The following CPA6 variants were observed in gnomAD, a reference collection of about 807,000 sequenced individuals.
CPA6 encodes the protein carboxypeptidase A6, also known as carboxypeptidase B.
A neutral mutation model predicts 63.3 loss-of-function variants in CPA6; 58 were observed. The observed-to-expected ratio is 0.92, with a 90% CI of 0.74 to 1.14. CPA6 has a LOEUF of 1.14. Ranked by LOEUF, CPA6 falls within the 50% of genes most tolerant of loss-of-function variation. The pLI is 0.00. For missense variants in CPA6, 565 were observed against 526.6 expected, an observed-to-expected ratio of 1.07 and a Z score of -0.71; for synonymous variants, 185 against 179.0, an observed-to-expected ratio of 1.03 and a Z score of -0.27.
At chr8:67,570,789 T>C (rs1184117343) in intron 2 of CPA6, among the ~76,000 whole-genome samples, 1 of 151,868 alleles carries the variant, frequency 6.6e-6, no homozygotes, top group Non-Finnish European at 1.5e-5. Context: ...AGAAACAAAG[T>C]ATCTATAAAA....
Position 67,484,681 on chromosome 8 carries a change from T to G in CPA6, c.745A>C (p.Asn249His), listed in dbSNP as rs147282359. Residue 249 changes from asparagine (N) to histidine (H), a missense_variant and splice_region_variant, in exon 7 of 11, where the codon AAT becomes CAT. Transcript: ENST00000297770. Reference protein sequence around the residue: ...NVDGYHFSWTNDRFWRKTRSR... With the variant: ...NVDGYHFSWTHDRFWRKTRSR... ...ACTGGGTAGGCAAAGTGACTTACAT[T>G]GGTCCAACTAAAATGGTATCCATCG... is the stretch of plus-strand genomic sequence containing the variant. 2 of 1,524,448 alleles carry G rather than the reference T, an allele frequency of 1.3e-6. No individual in the cohort carries two copies. The highest frequency in any genetic ancestry group is 1.8e-6 in the Non-Finnish European group (2 of 1,100,340). The allele number at this position is 1,524,448 out of a possible 1,614,324, so 94.4% of individuals were successfully genotyped here. A position where few individuals can be genotyped will look rare whatever the true frequency, so the allele number is the denominator to read the frequency against.
intron 2 of CPA6, among the ~76,000 whole-genome samples, chr8:67,562,407 A>G (rs1455383951): frequency 6.6e-6 from 1 of 152,156 alleles, no homozygotes; most frequent in East Asian, 1.9e-4. Flanking sequence ...GTCTGACACA[A>G]GCACACAGCC....
chr8:67,639,938 G>A (rs1361574151), intron 1 of CPA6, among the ~76,000 whole-genome samples: 1 of 151,414 alleles, frequency 6.6e-6, no homozygotes, highest in Non-Finnish European at 1.5e-5. Context: ...TCTCAGCAGA[G>A]AGGGTAGCTA....
chr8:67,737,166 G>A (rs1817828237), intron 1 of CPA6, among the ~76,000 whole-genome samples: 1 of 152,056 alleles, frequency 6.6e-6, no homozygotes, highest in South Asian at 2.1e-4. Context: ...ATATGTTATG[G>A]GACCTCACCT....
intron 8 of CPA6, among the ~76,000 whole-genome samples, chr8:67,454,959 G>A (rs1198871031): frequency 6.6e-6 from 1 of 152,150 alleles, no homozygotes; most frequent in Non-Finnish European, 1.5e-5. Flanking sequence ...GGAGCACAGA[G>A]GAGGGGAGAG....
At chr8:67,501,877 C>CT (rs1284533271) in intron 6 of CPA6, among the ~76,000 whole-genome samples, 3 of 151,984 alleles carry the variant, frequency 2.0e-5, no homozygotes, top group Admixed American at 6.6e-5. Context: ...TTGAAATTTC[C>CT]TTTTTGGGGA....
At chr8:67,618,552 G>A (rs1367936873) in intron 2 of CPA6, among the ~76,000 whole-genome samples, 17 of 152,138 alleles carry the variant, frequency 1.1e-4, no homozygotes, top group Admixed American at 1.1e-3. Context: ...TTTTCCCCAT[G>A]TGATTTTATG....
chr8:67,457,098 A>G (rs371810310), intron 8 of CPA6, among the ~76,000 whole-genome samples: 1 of 152,236 alleles, frequency 6.6e-6, no homozygotes, highest in Non-Finnish European at 1.5e-5. Flanking sequence ...CACATTTGAC[A>G]TGTTTTAGGT....
At chr8:67,742,468 T>G (rs915371296) in intron 1 of CPA6, among the ~76,000 whole-genome samples, 3 of 152,194 alleles carry the variant, frequency 2.0e-5, no homozygotes, top group African/African-American at 7.2e-5. Flanking sequence ...TTGAGCTAGT[T>G]AGCCCTGAAC....
rs1363926538 is a variant in CPA6, at chr8:67,565,170, CT to C, written c.193-47124del. Reference sequence around the variant, plus strand: ...TGCCACAGCGTTTTTCTTTTTCTTTCTTTTTTTTTTTTGTTGTTGTTTTTTA... The same window carrying C: ...TGCCACAGCGTTTTTCTTTTTCTTTCTTTTTTTTTTTGTTGTTGTTTTTTA... On this transcript the variant is annotated intron_variant, in intron 2 of 10. Transcript: ENST00000297770. Among the ~76,000 whole-genome samples the C allele has an allele frequency of 4.3e-3, 263 of 60,620 alleles. 1 individual carries two copies. The highest frequency in any genetic ancestry group is 0.01 in the Middle Eastern group (1 of 100). The allele number at this position is 60,620 out of a possible 152,430, so 39.8% of individuals were successfully genotyped here.
At chr8:67,574,636 AAAAGGACAGTCTGTTC>A (rs1266455348) in intron 2 of CPA6, among the ~76,000 whole-genome samples, 1 of 152,192 alleles carries the variant, frequency 6.6e-6, no homozygotes, top group African/African-American at 2.4e-5. Flanking sequence ...ATACAATGGG[AAAAGGACAGTCTGTTC>A]AATAAGTGGT....
chr8:67,670,896 A>G (rs1473018717), intron 1 of CPA6, among the ~76,000 whole-genome samples: 1 of 152,204 alleles, frequency 6.6e-6, no homozygotes, highest in African/African-American at 2.4e-5. Context: ...TCAAATACCA[A>G]TTTTAGTATA....
At chr8:67,487,604 T>G (rs1282099734) in intron 6 of CPA6, among the ~76,000 whole-genome samples, 12 of 152,226 alleles carry the variant, frequency 7.9e-5, no homozygotes. Context: ...GTATTTCTAG[T>G]TCTAGATCCT....
At chr8:67,548,939 C>T (rs1812881568) in intron 2 of CPA6, among the ~76,000 whole-genome samples, 1 of 152,194 alleles carries the variant, frequency 6.6e-6, no homozygotes, top group Non-Finnish European at 1.5e-5. Flanking sequence ...AGGGACTGTG[C>T]ATCCCTGTGG....
intron 1 of CPA6, among the ~76,000 whole-genome samples, chr8:67,691,363 A>T (rs36070371): frequency 6.6e-6 from 1 of 152,024 alleles, no homozygotes; most frequent in Non-Finnish European, 1.5e-5. Flanking sequence ...GGTGGCCATC[A>T]GTGACCAGTC....
intron 1 of CPA6, among the ~76,000 whole-genome samples, chr8:67,656,350 C>A (rs1319759532): frequency 6.6e-6 from 1 of 152,134 alleles, no homozygotes; most frequent in East Asian, 1.9e-4. Context: ...ATCTCTTTTT[C>A]CAGTATCCCA....
chr8:67,495,149 G>T (rs1811683223), intron 6 of CPA6, among the ~76,000 whole-genome samples: 1 of 151,574 alleles, frequency 6.6e-6, no homozygotes, highest in Admixed American at 6.6e-5. Flanking sequence ...TGTAGTGTTG[G>T]GTACTTTCCT....
intron 1 of CPA6, among the ~76,000 whole-genome samples, chr8:67,648,804 T>A (rs1207720396): frequency 6.6e-6 from 1 of 152,220 alleles, no homozygotes; most frequent in East Asian, 1.9e-4. Flanking sequence ...AGCCTTTTAT[T>A]TGTTAACCAA....
chr8:67,621,309 G>A (rs1815076338), intron 2 of CPA6, among the ~76,000 whole-genome samples: 1 of 152,148 alleles, frequency 6.6e-6, no homozygotes, highest in Non-Finnish European at 1.5e-5. Context: ...GCTGAGTTTG[G>A]TGAGTCCTTA....
Sources: gnomAD v4.1 joint callset for allele counts (sites outside exome capture counted in the v4.1 genomes callset) on GRCh38, gnomAD v4.1.1 for gene constraint, MANE v1.5 for transcripts, NCBI Gene and HGNC (gene_info 2026-07-23, HGNC 2026-07-21) for gene names.